The following SLC44A4 variants were observed in gnomAD, a reference collection of about 807,000 sequenced individuals.
SLC44A4 encodes choline transporter-like protein 4.
In SLC44A4, 74 loss-of-function variants were observed where a neutral mutation model predicts 97.0. That is an observed-to-expected ratio of 0.76 (90% confidence interval 0.63 to 0.93). SLC44A4 has a LOEUF of 0.93. SLC44A4 is among the 40% of genes least tolerant of loss of function. The pLI, the probability that SLC44A4 is intolerant of heterozygous loss-of-function variation, is 0.00. For synonymous variants in SLC44A4, 325 were observed against 363.8 expected, an observed-to-expected ratio of 0.89 and a Z score of 1.21; for missense variants, 799 against 902.9, an observed-to-expected ratio of 0.88 and a Z score of 1.48.
At position 31,878,208 on chromosome 6, in the gene SLC44A4, T is replaced by C. The variant is rs9267658; in HGVS notation, c.40+733A>G. 139,401 of 152,506 alleles carry C rather than the reference T, an allele frequency of 0.91. 63,915 individuals carry two copies. The highest frequency in any genetic ancestry group is 1 in the East Asian group (5,127 of 5,150). 9.4% of individuals were successfully genotyped at this position (152,506 alleles called of 1,614,324 possible). A position where few individuals can be genotyped will look rare whatever the true frequency, so the allele number is the denominator to read the frequency against. On this transcript the variant is annotated intron_variant, in intron 1 of 20. Transcript: ENST00000229729. The surrounding 1 kb of genome is among the most constrained non-coding windows in gnomAD (Gnocchi z 4.0). ...CTCCCTGCTGTTTCTCCCCTCAGGC[T>C]TCACCCTTCACAGGAACCCCAGGGG...
At chr6:31,864,784 G>T in intron 19 of SLC44A4, 32 bp downstream of exon 19, 1 of 1,613,876 alleles carries the variant, frequency 6.2e-7, no homozygotes, top group Non-Finnish European at 8.5e-7. Flanking sequence ...TGGGGAGTTG[G>T]GGGTGGAGCA....
Position 31,870,675 on chromosome 6 carries a change from A to AT in SLC44A4, c.964dup (p.Ile322AsnfsTer79). 1 of 1,611,176 alleles carries AT rather than the reference A, an allele frequency of 6.2e-7. No individual in the cohort carries two copies. Among genetic ancestry groups the AT allele is most frequent in the Non-Finnish European group, 8.5e-7 (1 of 1,179,168 alleles). On this transcript the variant is annotated frameshift_variant, in exon 11 of 21. Coordinates refer to ENST00000229729, the MANE Select transcript of SLC44A4 (RefSeq NM_025257.3). LOFTEE classifies it high-confidence loss of function. ...CAGGAAGATGAGCATCAGCAGCAGG[A>AT]TGGCTTCAAGCACCGCCAACACGAT... is the stretch of plus-strand genomic sequence containing the variant.
At chr6:31,872,229 T>A (rs887947901) in intron 7 of SLC44A4, among the ~76,000 whole-genome samples, 5 of 152,090 alleles carry the variant, frequency 3.3e-5, no homozygotes, top group African/African-American at 1.2e-4. Flanking sequence ...TATTTATCTA[T>A]TTATTTATTT....
chr6:31,871,831 C>T (rs1763195866), intron 7 of SLC44A4, among the ~76,000 whole-genome samples: 3 of 152,176 alleles, frequency 2.0e-5, no homozygotes, highest in Admixed American at 1.3e-4. Context: ...ATCCACCCTC[C>T]ACCCGAGTGG....
chr6:31,878,870 C>T lies in SLC44A4; in HGVS notation c.40+71G>A, dbSNP rs369181335. ...CTTAGTTCCTCTCCCTGGAGCCAGC[C>T]CCAGACACCATTCCCAAAGTACCCG... On this transcript the variant is annotated intron_variant, in intron 1 of 20. Transcript: ENST00000229729. The surrounding 1 kb of genome is among the most constrained non-coding windows in gnomAD (Gnocchi z 4.0). 2.6e-6 allele frequency: 4 copies of T among 1,525,666 alleles called. No individual in the cohort carries two copies. Among genetic ancestry groups the T allele is most frequent in the Middle Eastern group, 1.7e-4 (1 of 5,926 alleles). The allele number at this position is 1,525,666 out of a possible 1,614,324, so 94.5% of individuals were successfully genotyped here.
In SLC44A4 at chr6:31,878,856, T is replaced by C. The variant is rs2151576962; in HGVS notation, c.40+85A>G. ...GACACAGTACTCTCCTTAGTTCCTCTCCCTGGAGCCAGCCCCAGACACCAT... is the reference window on the plus strand; with the variant it reads ...GACACAGTACTCTCCTTAGTTCCTCCCCCTGGAGCCAGCCCCAGACACCAT... On this transcript the variant is annotated intron_variant, in intron 1 of 20. Coordinates refer to ENST00000229729, the MANE Select transcript of SLC44A4 (RefSeq NM_025257.3). This position sits in a 1 kb window ranked among gnomAD's most constrained non-coding sequence, Gnocchi z 4.0. 1 of 1,473,328 alleles carries C rather than the reference T, an allele frequency of 6.8e-7. No homozygotes were observed. 91.3% of individuals were successfully genotyped at this position (1,473,328 alleles called of 1,614,324 possible).
At position 31,874,051 on chromosome 6, in the gene SLC44A4, G is replaced by T. The variant is rs1229461056; in HGVS notation, c.529+409C>A. On this transcript the variant is annotated intron_variant, in intron 7 of 20. Transcript: ENST00000229729. This position sits in a 1 kb window ranked among gnomAD's most constrained non-coding sequence, Gnocchi z 4.8. ...AAGCGCTTGAACCCGGGAGGCGGGG[G>T]TTGCAGTGAGCCGAGATCACGCCAC... 1.3e-5 allele frequency among the ~76,000 whole-genome samples: 2 copies of T among 152,184 alleles called. No homozygotes were observed. Among genetic ancestry groups the T allele is most frequent in the Admixed American group, 6.5e-5 (1 of 15,290 alleles).
At chr6:31,866,767 G>A (rs895736087) in intron 13 of SLC44A4, among the ~76,000 whole-genome samples, 5 of 151,868 alleles carry the variant, frequency 3.3e-5, no homozygotes, top group African/African-American at 1.2e-4. Context: ...GGTGGCAGAC[G>A]CCTATTATCC....
At chr6:31,875,167 C>T (rs1763381141) in intron 4 of SLC44A4, 139 bp from the exon 5 acceptor site, 1 of 640,324 alleles carries the variant, frequency 1.6e-6, no homozygotes, top group African/African-American at 1.8e-5. Flanking sequence ...GCTCCTGGCC[C>T]TAGCTCAGCT....
Position 31,876,013 on chromosome 6 carries a change from G to A in SLC44A4, c.163+43C>T. The A allele has an allele frequency of 6.2e-7, 1 of 1,612,682 alleles. No individual in the cohort carries two copies. The highest frequency in any genetic ancestry group is 8.5e-7 in the Non-Finnish European group (1 of 1,178,742). On this transcript the variant is annotated intron_variant, in intron 3 of 20. Transcript: ENST00000229729. The surrounding 1 kb of genome is among the most constrained non-coding windows in gnomAD (Gnocchi z 4.8). Reference sequence around the variant, plus strand: ...GGGAATGGTCCCTCCCTGGGTTCCTGTCCCTCACCCACTGCCCTGGCTCTG... The same window carrying A: ...GGGAATGGTCCCTCCCTGGGTTCCTATCCCTCACCCACTGCCCTGGCTCTG...
intron 13 of SLC44A4, among the ~76,000 whole-genome samples, chr6:31,866,681 T>C (rs1446946163): frequency 6.6e-6 from 1 of 151,962 alleles, no homozygotes; most frequent in Non-Finnish European, 1.5e-5. Flanking sequence ...TCGCCTGAGG[T>C]CAGGAGTTCA....
rs1763029784 is a variant in SLC44A4 at position 31,869,439 on chromosome 6, G to A, written c.1130+106C>T. On this transcript the variant is annotated intron_variant, in intron 12 of 20. Coordinates refer to ENST00000229729, the MANE Select transcript of SLC44A4 (RefSeq NM_025257.3). ...GCTGGTGTGTCTGCCCAGAGAAAGG[G>A]GCACCTCTTCCAGTGACACCAAGGC... 9.5e-6 allele frequency: 10 copies of A among 1,048,256 alleles called. No homozygotes were observed. The South Asian group carries it at 1.2e-4, about 12-fold the overall frequency. The allele number at this position is 1,048,256 out of a possible 1,614,324, so 64.9% of individuals were successfully genotyped here.
Position 31,874,887 on chromosome 6 carries a change from C to T in SLC44A4, c.343-41G>A. Reference sequence around the variant, plus strand: ...ACACTAAGGGGCTGGAACCTGAGACCCTGGGTGAGATCTGGGGTAGAGGCA... The same window carrying T: ...ACACTAAGGGGCTGGAACCTGAGACTCTGGGTGAGATCTGGGGTAGAGGCA... On this transcript the variant is annotated intron_variant, in intron 5 of 20. Coordinates refer to ENST00000229729, the MANE Select transcript of SLC44A4 (RefSeq NM_025257.3). The surrounding 1 kb of genome is among the most constrained non-coding windows in gnomAD (Gnocchi z 4.8). 3 of 1,613,536 alleles carry T rather than the reference C, an allele frequency of 1.9e-6. No homozygotes were observed. Among genetic ancestry groups the T allele is most frequent in the Non-Finnish European group, 2.5e-6 (3 of 1,179,694 alleles).
In SLC44A4 at chr6:31,867,452, C is replaced by T. The variant is rs558464035; in HGVS notation, c.1234-1326G>A. Among the ~76,000 whole-genome samples, 3 of 152,178 alleles carry T rather than the reference C, an allele frequency of 2.0e-5. No individual in the cohort carries two copies. In the South Asian group the frequency reaches 6.2e-4, roughly 32 times the overall value. ...TTGAAAACAACACTCACGTCATACC[C>T]AGCACAGTTGCTCATGTGTATAATC... On this transcript the variant is annotated intron_variant, in intron 13 of 20. Coordinates refer to ENST00000229729, the MANE Select transcript of SLC44A4 (RefSeq NM_025257.3).
rs575982898 is a variant in SLC44A4, at chr6:31,874,255, G to T, written c.529+205C>A. Among the ~76,000 whole-genome samples the T allele has an allele frequency of 6.6e-6, 1 of 152,280 alleles. No homozygotes were observed. Among genetic ancestry groups the T allele is most frequent in the South Asian group, 2.1e-4 (1 of 4,822 alleles). The stretch of plus-strand genomic sequence containing the variant: ...GTTGTTATCCCTGCCTCTGTCCCCA[G>T]CACCTGGCACATAGTAGGTCCCCAA... On this transcript the variant is annotated intron_variant, in intron 7 of 20. Transcript: ENST00000229729. The surrounding 1 kb of genome is among the most constrained non-coding windows in gnomAD (Gnocchi z 4.8).
chr6:31,867,694 C>G (rs1252705549), intron 13 of SLC44A4, among the ~76,000 whole-genome samples: 1 of 151,516 alleles, frequency 6.6e-6, no homozygotes, highest in Non-Finnish European at 1.5e-5. Flanking sequence ...TCACTGCACT[C>G]CAGCCTGTGT....
At chr6:31,869,063 T>A (rs1185983311) in intron 13 of SLC44A4, 92 bp downstream of exon 13, 2 of 1,061,982 alleles carry the variant, frequency 1.9e-6, no homozygotes, top group Non-Finnish European at 2.7e-6. Flanking sequence ...TTGCCCTCTG[T>A]GGCCTCAGTC....
chr6:31,867,345 G>A (rs897321386), intron 13 of SLC44A4, among the ~76,000 whole-genome samples: 15 of 150,918 alleles, frequency 9.9e-5, no homozygotes, highest in African/African-American at 3.4e-4. Flanking sequence ...CACCTGCCTC[G>A]GCCTCCCAAA....
Position 31,864,702 on chromosome 6 carries a change from C to T in SLC44A4, c.1961G>A (p.Gly654Asp), listed in dbSNP as rs1762744971. The T allele has an allele frequency of 1.2e-6, 2 of 1,614,028 alleles. No homozygotes were observed. The highest frequency in any genetic ancestry group is 1.7e-6 in the Non-Finnish European group (2 of 1,180,002). The change falls in exon 20 of 21, where the codon GGC becomes GAC. Residue 654 changes from glycine to aspartate, a missense_variant. By Grantham distance (94) the Gly-to-Asp change is moderately conservative. Transcript: ENST00000229729. ...SILGAYVIAS[G>D]FFSVFGMCVD... ...ACACATGCCGAAAACGCTGAAGAAG[C>T]CGCTGGCGATGACATAGGCCCCCAG...
Sources: allele counts gnomAD v4.1 joint callset (sites outside exome capture counted in the v4.1 genomes callset), GRCh38; gene constraint gnomAD v4.1.1; non-coding constraint Gnocchi (gnomAD v3.1); transcripts MANE v1.5; gene names NCBI Gene and HGNC (gene_info 2026-07-23, HGNC 2026-07-21).